The following LTN1 variants were observed in gnomAD, a reference collection of about 807,000 sequenced individuals.
LTN1 encodes the protein listerin E3 ubiquitin protein ligase 1.
Under a neutral mutation model 201.2 loss-of-function variants are expected in LTN1, and 88 were observed. The observed-to-expected ratio is 0.44, with a 90% CI of 0.37 to 0.52. The LOEUF (loss-of-function observed/expected upper bound fraction) is 0.52. Among genes scored for constraint, LTN1 ranks in the 20% least tolerant of loss-of-function variants. LTN1 has a pLI of 0.00. For missense variants in LTN1, 1,752 were observed against 2,038.7 expected, an observed-to-expected ratio of 0.86 and a Z score of 2.71; for synonymous variants, 645 against 713.5, an observed-to-expected ratio of 0.90 and a Z score of 1.53.
chr21:28,953,217 C>G lies in LTN1; in HGVS notation c.3239G>C (p.Arg1080Thr). Residue 1080 changes from arginine (R) to threonine (T), a missense_variant and splice_region_variant, in exon 17 of 30, where the codon AGG becomes ACG. Around this residue, in one of 3 missense-constraint regions of LTN1, gnomAD observed 1,211 missense variants for 1,312.8 expected, o/e 0.92. Coordinates refer to ENST00000361371, the MANE Select transcript of LTN1 (RefSeq NM_015565.3). ...AAAACAAATTGAAAGAGATTCTTAC[C>G]TGTTAAATAACAGCTGCAAAAGGCC... is the stretch of plus-strand genomic sequence containing the variant. ...TSGLLQLLFNRSREHGTLWSL... is the reference protein window; with the variant it reads ...TSGLLQLLFNTSREHGTLWSL... 1 of 1,557,772 alleles carries G rather than the reference C, an allele frequency of 6.4e-7. No individual in the cohort carries two copies. The highest frequency in any genetic ancestry group is 2.3e-5 in the East Asian group (1 of 43,852).
chr21:28,943,414 T>G, intron 23 of LTN1, 78 bp from the exon 24 acceptor site: 1 of 840,698 alleles, frequency 1.2e-6, no homozygotes, highest in South Asian at 1.6e-5. Context: ...GAAAGACCAA[T>G]ACTTATTTTA....
intron 18 of LTN1, among the ~76,000 whole-genome samples, chr21:28,951,568 G>T (rs1261837051): frequency 1.3e-5 from 2 of 151,948 alleles, no homozygotes; most frequent in African/African-American, 4.8e-5. Context: ...CTATCAGAGA[G>T]ATTTCTGGGG....
At chr21:28,992,643 C>T (rs903076462) in intron 1 of LTN1, 121 bp downstream of exon 1, 1 of 1,075,624 alleles carries the variant, frequency 9.3e-7, no homozygotes, top group South Asian at 1.4e-5. Flanking sequence ...AGAGGTCACA[C>T]TCGACAGGGA....
chr21:28,964,320 C>G (rs1221621257), intron 11 of LTN1, among the ~76,000 whole-genome samples: 4 of 152,160 alleles, frequency 2.6e-5, no homozygotes, highest in Non-Finnish European at 5.9e-5. Context: ...ATACCACCAC[C>G]CTGGTCAGTC....
Position 28,935,290 on chromosome 21 carries a change from C to T in LTN1, c.4694G>A (p.Cys1565Tyr). The T allele has an allele frequency of 6.2e-7, 1 of 1,613,966 alleles. No homozygotes were observed. ...MLPYHIPHLACSVYHMTLKDL... is the reference protein window; with the variant it reads ...MLPYHIPHLAYSVYHMTLKDL... ...TTTTAATGTCATATGATAGACTGAA[C>T]AAGCCAAGTGTGGAATGTGGTATGG... Residue 1565 changes from cysteine (C) to tyrosine (Y), a missense_variant, in exon 27 of 30, where the codon TGT (cysteine) becomes TAT (tyrosine). Coordinates refer to ENST00000361371, the MANE Select transcript of LTN1 (RefSeq NM_015565.3).
At chr21:28,935,899 A>C (rs1391263802) in intron 26 of LTN1, among the ~76,000 whole-genome samples, 5 of 152,146 alleles carry the variant, frequency 3.3e-5, no homozygotes, top group Non-Finnish European at 5.9e-5. Context: ...ACCTAGAAAC[A>C]GATTTCTGTA....
chr21:28,955,978 T>A (rs916265570), intron 16 of LTN1, among the ~76,000 whole-genome samples: 1 of 143,970 alleles, frequency 6.9e-6, no homozygotes, highest in Non-Finnish European at 1.5e-5. Flanking sequence ...GCAACATGGA[T>A]GAAACTGGAC....
At chr21:28,966,014 T>C (rs1437952993) in intron 10 of LTN1, 108 bp from the exon 11 acceptor site, 11 of 701,352 alleles carry the variant, frequency 1.6e-5, no homozygotes, top group Middle Eastern at 4.9e-4. Context: ...CTCAAGCCAA[T>C]GTCTCACCTC....
At chr21:28,932,787 A>G in intron 27 of LTN1, 123 bp from the exon 28 acceptor site, 1 of 612,860 alleles carries the variant, frequency 1.6e-6, no homozygotes, top group Non-Finnish European at 2.8e-6. Flanking sequence ...AAATACATTC[A>G]CTTATCTGAC....
intron 26 of LTN1, among the ~76,000 whole-genome samples, chr21:28,935,540 T>G (rs1258075068): frequency 2.0e-5 from 3 of 152,154 alleles, no homozygotes. Context: ...AAAAGAATTT[T>G]TTTTTAAAGT....
At chr21:28,981,353 A>G (rs1037632204) in intron 5 of LTN1, 54 bp from the exon 6 acceptor site, 7 of 973,008 alleles carry the variant, frequency 7.2e-6, no homozygotes, top group Middle Eastern at 3.5e-4. Flanking sequence ...GCCAAACTAT[A>G]TATCTGGTGG....
At chr21:28,943,983 G>GATTTAAGAAA (rs3053575) in intron 22 of LTN1, 79 bp from the exon 23 acceptor site, 232,914 of 849,412 alleles carry the variant, frequency 0.27, 34,405 homozygotes, top group South Asian at 0.31. Flanking sequence ...ACAATCAAAT[G>GATTTAAGAAA]TCATTTAAGA....
chr21:28,932,594 A>G lies in LTN1; in HGVS notation c.4946T>C (p.Ile1649Thr), dbSNP rs2084219837. 2.5e-6 allele frequency: 4 copies of G among 1,613,656 alleles called. No individual in the cohort carries two copies. Among genetic ancestry groups the G allele is most frequent in the South Asian group, 2.2e-5 (2 of 91,070 alleles). Residue 1649 changes from isoleucine to threonine, a missense_variant, in exon 28 of 30, where the codon ATA becomes ACA. This residue lies in a region of LTN1 where 261 missense variants were observed against 350.1 expected (regional missense o/e 0.75). Coordinates refer to ENST00000361371, the MANE Select transcript of LTN1 (RefSeq NM_015565.3). ...YTIEDIVIEL[I>T]IQLPSNYPLG... is the part of the protein sequence containing the mutation. Reference sequence around the variant, plus strand: ...TGGATAATTTGAAGGCAGTTGTATTATAAGTTCAATAACTATGTCCTCAAT... The same window carrying G: ...TGGATAATTTGAAGGCAGTTGTATTGTAAGTTCAATAACTATGTCCTCAAT...
intron 21 of LTN1, 89 bp downstream of exon 21, chr21:28,945,718 T>C (rs1407628570): frequency 8.4e-7 from 1 of 1,185,242 alleles, no homozygotes; most frequent in Non-Finnish European, 1.2e-6. Context: ...ATTACAATCA[T>C]CACTTAAAGA....
At position 28,952,156 on chromosome 21, in the gene LTN1, A is replaced by G; in HGVS notation, c.3344+4T>C. ...CAAAGTAAAAACATTTTAAATAAGA[A>G]TACCTTTCTTTTCTCTTATAATGTG... On this transcript the variant is annotated splice_donor_region_variant and intron_variant, in intron 18 of 29. Coordinates refer to ENST00000361371, the MANE Select transcript of LTN1 (RefSeq NM_015565.3). The G allele has an allele frequency of 6.5e-7, 1 of 1,547,456 alleles. No individual in the cohort carries two copies. Among genetic ancestry groups the G allele is most frequent in the East Asian group, 2.3e-5 (1 of 44,350 alleles).
At chr21:28,949,965 G>C (rs1164026590) in intron 18 of LTN1, among the ~76,000 whole-genome samples, 19 of 152,070 alleles carry the variant, frequency 1.2e-4, no homozygotes, top group Non-Finnish European at 5.9e-5. Context: ...CCACTGATTT[G>C]TCTACTCTTC....
At chr21:28,965,012 T>C (rs1016030182) in intron 11 of LTN1, among the ~76,000 whole-genome samples, 9 of 152,202 alleles carry the variant, frequency 5.9e-5, no homozygotes, top group Non-Finnish European at 1.3e-4. Flanking sequence ...GGGGAGTTAC[T>C]GTTTAATGGA....
At chr21:28,944,030 T>G in intron 22 of LTN1, 126 bp from the exon 23 acceptor site, 1 of 665,754 alleles carries the variant, frequency 1.5e-6, no homozygotes, top group South Asian at 1.8e-5. Context: ...AATAAAGCAG[T>G]CTTAACTAGA....
At chr21:28,955,523 C>A (rs2084417781) in intron 16 of LTN1, among the ~76,000 whole-genome samples, 1 of 152,052 alleles carries the variant, frequency 6.6e-6, no homozygotes, top group African/African-American at 2.4e-5. Context: ...TTTGCTGCAG[C>A]ACTATTCACA....
Sources: allele counts gnomAD v4.1 joint callset (sites outside exome capture counted in the v4.1 genomes callset), GRCh38; gene constraint gnomAD v4.1.1; regional missense constraint gnomAD v4.1.1; transcripts MANE v1.5; gene names NCBI Gene and HGNC (gene_info 2026-07-23, HGNC 2026-07-21).